MAPK10: variants seen among roughly 807,000 people sequenced by gnomAD.
MAPK10 encodes JNK3 alpha protein kinase.
In MAPK10, 25 loss-of-function variants were observed where a neutral mutation model predicts 59.3. The ratio of observed to expected loss-of-function variants is 0.42; its 90% CI spans 0.31 to 0.59. The LOEUF (loss-of-function observed/expected upper bound fraction) is 0.59, where lower values mean the gene tolerates loss of function less well. MAPK10 is among the 20% of genes least tolerant of loss of function. The pLI is 0.15. For missense variants in MAPK10, 351 were observed against 568.9 expected, an observed-to-expected ratio of 0.62 and a Z score of 3.90; for synonymous variants, 190 against 200.5, an observed-to-expected ratio of 0.95 and a Z score of 0.44.
At chr4:86,094,043 A>G (rs1211316795) in intron 9 of MAPK10, among the ~76,000 whole-genome samples, 3 of 151,942 alleles carry the variant, frequency 2.0e-5, no homozygotes. Context: ...ACTATATAGT[A>G]AGTTGTTAGT....
chr4:86,449,468 C>T (rs1750435884), intron 1 of MAPK10, among the ~76,000 whole-genome samples: 2 of 152,212 alleles, frequency 1.3e-5, no homozygotes, highest in Admixed American at 1.3e-4. Flanking sequence ...TATTTCTTTA[C>T]TCATATTTCA....
At chr4:86,343,752 A>C (rs1022001653) in intron 2 of MAPK10, among the ~76,000 whole-genome samples, 4 of 152,230 alleles carry the variant, frequency 2.6e-5, no homozygotes, top group Non-Finnish European at 5.9e-5. Context: ...AGTATAACAA[A>C]AAATTGAAAC....
At chr4:86,580,372 A>G (rs1026177345) in intron 1 of MAPK10, among the ~76,000 whole-genome samples, 19 of 152,012 alleles carry the variant, frequency 1.2e-4, no homozygotes, top group Admixed American at 1.0e-3. Context: ...GGTGGCGTAC[A>G]TCTGTAGTCC....
chr4:86,591,960 T>C (rs1763078012), intron 1 of MAPK10, among the ~76,000 whole-genome samples: 1 of 151,980 alleles, frequency 6.6e-6, no homozygotes, highest in African/African-American at 2.4e-5. Flanking sequence ...AACATATATA[T>C]ATATTTAAAT....
In MAPK10 at chr4:86,108,143, T is replaced by C. The variant is rs748219390; in HGVS notation, c.237-791A>G. Among the ~76,000 whole-genome samples the C allele has an allele frequency of 3.2e-4, 48 of 152,152 alleles. 1 individual carries two copies. The highest frequency in any genetic ancestry group is 2.6e-3 in the Admixed American group (40 of 15,276). On this transcript the variant is annotated intron_variant, in intron 4 of 13. Coordinates refer to ENST00000641462, the MANE Select transcript of MAPK10 (RefSeq NM_138982.4). Reference sequence around the variant, plus strand: ...AGAAACATAAATAACTGCATTTAAATACAAAGACAAAAATAAATGCTATTC... The same window carrying C: ...AGAAACATAAATAACTGCATTTAAACACAAAGACAAAAATAAATGCTATTC...
At chr4:86,119,320 G>A (rs1042972627) in intron 4 of MAPK10, among the ~76,000 whole-genome samples, 2 of 152,106 alleles carry the variant, frequency 1.3e-5, no homozygotes, top group Non-Finnish European at 2.9e-5. Context: ...AAGCCAATAG[G>A]GCCGGGCGAT....
intron 5 of MAPK10, among the ~76,000 whole-genome samples, chr4:86,104,715 T>C (rs908133040): frequency 6.6e-6 from 1 of 151,958 alleles, no homozygotes; most frequent in Non-Finnish European, 1.5e-5. Flanking sequence ...ATATAGAAAA[T>C]AGCATTACAA....
intron 2 of MAPK10, among the ~76,000 whole-genome samples, chr4:86,250,468 A>G (rs903463549): frequency 1.3e-5 from 2 of 152,174 alleles, no homozygotes; most frequent in African/African-American, 4.8e-5. Context: ...TTCCCGCTGA[A>G]CTATGCTTTT....
At chr4:86,025,531 T>A (rs3775168) in intron 13 of MAPK10, 81,557 of 398,082 alleles carry the variant, frequency 0.2, 10,424 homozygotes, top group African/African-American at 0.46. Flanking sequence ...ATATGATCAT[T>A]GTGTTCAGTT....
intron 2 of MAPK10, among the ~76,000 whole-genome samples, chr4:86,222,034 C>T (rs566775595): frequency 2.4e-4 from 37 of 152,300 alleles, no homozygotes; most frequent in African/African-American, 8.7e-4. Flanking sequence ...GCCCCTCACT[C>T]TCTTGCTCGT....
intron 2 of MAPK10, among the ~76,000 whole-genome samples, chr4:86,304,507 C>T (rs1362427612): frequency 2.0e-5 from 3 of 151,172 alleles, no homozygotes; most frequent in Non-Finnish European, 2.9e-5. Context: ...ATTCTCCTGC[C>T]TCAGCCTCCC....
At chr4:86,050,904 G>T (rs1045815829) in intron 11 of MAPK10, among the ~76,000 whole-genome samples, 3 of 152,090 alleles carry the variant, frequency 2.0e-5, no homozygotes, top group Admixed American at 6.6e-5. Flanking sequence ...CCTTAGGTAA[G>T]AAATTTTCAG....
At chr4:86,075,258 C>T (rs1033323464) in intron 9 of MAPK10, among the ~76,000 whole-genome samples, 2 of 152,094 alleles carry the variant, frequency 1.3e-5, no homozygotes, top group East Asian at 1.9e-4. Context: ...CTCCTTTAAG[C>T]ACTTCTCTGT....
intron 2 of MAPK10, chr4:86,352,250 T>C (rs1731926568): frequency 6.6e-6 from 1 of 151,720 alleles, no homozygotes; most frequent in Non-Finnish European, 1.5e-5. Flanking sequence ...TATATAAACA[T>C]AAAAATGATA....
rs940277430 is a variant in MAPK10, at chr4:86,017,717, G to A, written c.1253-347C>T. On this transcript the variant is annotated intron_variant, in intron 13 of 13. Coordinates refer to ENST00000641462, the MANE Select transcript of MAPK10 (RefSeq NM_138982.4). This position sits in a 1 kb window ranked among gnomAD's most constrained non-coding sequence, Gnocchi z 4.4. Reference sequence around the variant, plus strand: ...GGCCTTGGGTGAGGCCAAGGTATTTGCATTTTTATTTATTTATTTTTTTTG... The same window carrying A: ...GGCCTTGGGTGAGGCCAAGGTATTTACATTTTTATTTATTTATTTTTTTTG... Among the ~76,000 whole-genome samples the A allele has an allele frequency of 6.6e-6, 1 of 152,036 alleles. No individual in the cohort carries two copies. Among genetic ancestry groups the A allele is most frequent in the South Asian group, 2.1e-4 (1 of 4,820 alleles).
chr4:86,351,488 A>C (rs931010640), intron 2 of MAPK10, among the ~76,000 whole-genome samples: 1 of 151,874 alleles, frequency 6.6e-6, no homozygotes, highest in Admixed American at 6.6e-5. Flanking sequence ...AGACTTTAAA[A>C]ATCCTTCCTC....
rs538356769 is a variant in MAPK10, at chr4:86,187,021, G to A, written c.66+7315C>T. ...AAGTACTGGTTAGAATTAGGCATCAGAAAAAAAACTGACTACCACCTGTAT... is the reference window on the plus strand; with the variant it reads ...AAGTACTGGTTAGAATTAGGCATCAAAAAAAAAACTGACTACCACCTGTAT... On this transcript the variant is annotated intron_variant, in intron 3 of 13. Transcript: ENST00000641462. 1.8e-3 allele frequency among the ~76,000 whole-genome samples: 279 copies of A among 151,660 alleles called. 1 individual carries two copies. Among genetic ancestry groups the A allele is most frequent in the Middle Eastern group, 6.8e-3 (2 of 294 alleles).
intron 1 of MAPK10, among the ~76,000 whole-genome samples, chr4:86,414,250 T>A (rs2149029013): frequency 6.6e-6 from 1 of 152,240 alleles, no homozygotes; most frequent in African/African-American, 2.4e-5. Flanking sequence ...CCCTCATCCA[T>A]GATATAACAT....
chr4:86,139,052 A>G (rs1431127686), intron 4 of MAPK10, among the ~76,000 whole-genome samples: 1 of 134,704 alleles, frequency 7.4e-6, no homozygotes, highest in Admixed American at 7.9e-5. Context: ...CAAATGGAAG[A>G]ACATTCCATG....
Sources: allele counts gnomAD v4.1 joint callset (sites outside exome capture counted in the v4.1 genomes callset), GRCh38; gene constraint gnomAD v4.1.1; non-coding constraint Gnocchi (gnomAD v3.1); transcripts MANE v1.5; gene names NCBI Gene and HGNC (gene_info 2026-07-23, HGNC 2026-07-21).